Variants in DNAJC16 observed in about 807,000 individuals in gnomAD.
DNAJC16 encodes dnaJ homolog subfamily C member 16.
A neutral mutation model predicts 92.7 loss-of-function variants in DNAJC16; 76 were observed. The ratio of observed to expected loss-of-function variants is 0.82; its 90% CI spans 0.68 to 0.99. The LOEUF is 0.99. Among genes scored for constraint, DNAJC16 ranks in the 50% least tolerant of loss-of-function variants. The pLI is 0.00. For synonymous variants in DNAJC16, 328 were observed against 358.7 expected (o/e 0.91, Z 0.97); for missense variants, 869 against 942.4 (o/e 0.92, Z 1.02).
intron 11 of DNAJC16, 82 bp from the exon 12 acceptor site, chr1:15,565,837 G>A: frequency 7.1e-7 from 1 of 1,415,884 alleles, no homozygotes; most frequent in Non-Finnish European, 9.9e-7. Context: ...AGAGTTTTTG[G>A]TTTGGGATTT....
At chr1:15,538,740 C>G (rs1444390154) in intron 4 of DNAJC16, among the ~76,000 whole-genome samples, 2 of 152,058 alleles carry the variant, frequency 1.3e-5, no homozygotes, top group African/African-American at 2.4e-5. Flanking sequence ...AAGACTAATT[C>G]CTATCTTTTA....
intron 7 of DNAJC16, among the ~76,000 whole-genome samples, chr1:15,552,767 TTTA>T (rs1408758383): frequency 2.4e-4 from 34 of 139,242 alleles, no homozygotes; most frequent in South Asian, 9.1e-4. Flanking sequence ...ATTATTATTA[TTTA>T]TTTTTTTTTT....
intron 4 of DNAJC16, among the ~76,000 whole-genome samples, chr1:15,541,317 T>A (rs1710926682): frequency 6.6e-6 from 1 of 152,228 alleles, no homozygotes; most frequent in Non-Finnish European, 1.5e-5. Context: ...TTCCATTTAT[T>A]GACATTGTTC....
intron 7 of DNAJC16, among the ~76,000 whole-genome samples, chr1:15,557,274 G>C (rs1402719822): frequency 1.3e-5 from 2 of 152,272 alleles, no homozygotes; most frequent in Non-Finnish European, 2.9e-5. Context: ...GGGTTTCTGG[G>C]TTTCGCTTTA....
rs141646030 is a variant in DNAJC16 at position 15,556,240 on chromosome 1, T to C, written c.1024-3286T>C. Among the ~76,000 whole-genome samples the C allele has an allele frequency of 8.4e-4, 128 of 151,962 alleles. 1 individual carries two copies. In the East Asian group the frequency reaches 0.022, roughly 26 times the overall value. ...TGTTGGTTGTTTTGTTTTGTTTTGT[T>C]TTGTTTTGTTTTAAGACGGAGTCTT... On this transcript the variant is annotated intron_variant, in intron 7 of 14. Transcript: ENST00000375847.
chr1:15,559,599 C>G lies in DNAJC16; in HGVS notation c.1097C>G (p.Thr366Ser). 1 of 1,614,182 alleles carries G rather than the reference C, an allele frequency of 6.2e-7. No homozygotes were observed. The highest frequency in any genetic ancestry group is 8.5e-7 in the Non-Finnish European group (1 of 1,180,042). The change falls in exon 8 of 15, where the codon ACC becomes AGC. Residue 366 changes from threonine to serine, a missense_variant. Transcript: ENST00000375847. ...RNKYLLAARL[T>S]SQKLFHELCP... Reference sequence around the variant, plus strand: ...AAATATCTATTGGCAGCCAGGCTCACCAGCCAGAAGTTGTTCCATGAACTC... The same window carrying G: ...AAATATCTATTGGCAGCCAGGCTCAGCAGCCAGAAGTTGTTCCATGAACTC...
Position 15,564,454 on chromosome 1 carries a change from G to A in DNAJC16, c.1598+95G>A, listed in dbSNP as rs1638764973. Reference sequence around the variant, plus strand: ...GAGTTCATCATTATTAAATTTCAAGGTACACTTGATGGGGCAAGTGGAAGA... The same window carrying A: ...GAGTTCATCATTATTAAATTTCAAGATACACTTGATGGGGCAAGTGGAAGA... On this transcript the variant is annotated intron_variant, in intron 11 of 14. Transcript: ENST00000375847. The A allele has an allele frequency of 4.8e-5, 42 of 874,190 alleles. No individual in the cohort carries two copies. In the South Asian group the frequency reaches 5.8e-4, roughly 12 times the overall value. The allele number at this position is 874,190 out of a possible 1,614,324, so 54.2% of individuals were successfully genotyped here.
intron 4 of DNAJC16, among the ~76,000 whole-genome samples, chr1:15,544,151 T>C (rs3220499): frequency 5.1e-5 from 7 of 137,290 alleles, no homozygotes; most frequent in Middle Eastern, 3.7e-3. Context: ...TGTATATGCA[T>C]ACACACACAC....
intron 7 of DNAJC16, among the ~76,000 whole-genome samples, chr1:15,555,545 C>T (rs113726343): frequency 0.012 from 1,748 of 147,254 alleles, 38 homozygotes; most frequent in African/African-American, 0.041. Context: ...TACCTGGGCG[C>T]GGTGGTAGAT....
intron 4 of DNAJC16, among the ~76,000 whole-genome samples, chr1:15,542,950 A>T (rs1026437399): frequency 2.0e-5 from 3 of 152,324 alleles, no homozygotes; most frequent in African/African-American, 7.2e-5. Context: ...AGTGTCAGGG[A>T]AAGCATTGTG....
chr1:15,534,981 T>C (rs547661869), intron 3 of DNAJC16, among the ~76,000 whole-genome samples: 12 of 152,346 alleles, frequency 7.9e-5, no homozygotes, highest in African/African-American at 2.9e-4. Flanking sequence ...AATTTTCCAG[T>C]ATGTCAGCTC....
chr1:15,546,005 G>A (rs553936212), intron 5 of DNAJC16, among the ~76,000 whole-genome samples: 9 of 152,182 alleles, frequency 5.9e-5, no homozygotes, highest in African/African-American at 1.4e-4. Flanking sequence ...TATTTACGCC[G>A]TTTAAAAAGA....
At chr1:15,567,309 A>T (rs765394452) in intron 14 of DNAJC16, 40 bp downstream of exon 14, 1 of 1,575,524 alleles carries the variant, frequency 6.3e-7, no homozygotes, top group Non-Finnish European at 8.7e-7. Context: ...TGTGTGTGAG[A>T]GAGAGAGAGG....
At chr1:15,553,970 G>A (rs943412019) in intron 7 of DNAJC16, among the ~76,000 whole-genome samples, 3 of 152,084 alleles carry the variant, frequency 2.0e-5, no homozygotes, top group African/African-American at 7.2e-5. Flanking sequence ...CTGGGTGGTC[G>A]AGACGGGCAG....
chr1:15,535,580 C>A (rs1035618181), intron 3 of DNAJC16, among the ~76,000 whole-genome samples: 4 of 151,926 alleles, frequency 2.6e-5, no homozygotes, highest in Admixed American at 1.3e-4. Flanking sequence ...GTGAAAAATA[C>A]AAAAATTAGC....
rs763845830 is a variant in DNAJC16, at chr1:15,548,426, C to T, written c.1021C>T (p.Gln341Ter). Residue 341 changes from glutamine to a stop codon, truncating the protein, a stop_gained and splice_region_variant, in exon 7 of 15, where the codon CAG becomes TAG. Transcript: ENST00000375847. LOFTEE classifies it high-confidence loss of function. ...TATAAACAGGCCTGCCGATGTTATC[C>T]AGGTACGTGAGGGTCACCTTGGTTA... ...EHINRPADVIQARGMKKQIID... is the reference protein window; with the variant it reads ...EHINRPADVI The T allele has an allele frequency of 3.7e-6, 6 of 1,609,082 alleles. No individual in the cohort carries two copies. Among genetic ancestry groups the T allele is most frequent in the Non-Finnish European group, 5.1e-6 (6 of 1,177,312 alleles).
intron 14 of DNAJC16, among the ~76,000 whole-genome samples, 156 bp downstream of exon 14, chr1:15,567,425 G>C (rs1052352862): frequency 6.6e-6 from 1 of 152,176 alleles, no homozygotes; most frequent in Non-Finnish European, 1.5e-5. Flanking sequence ...GAGCCATTGC[G>C]ACAGGGACCT....
At chr1:15,544,702 A>G (rs1638247919) in intron 5 of DNAJC16, 119 bp downstream of exon 5, 4 of 920,692 alleles carry the variant, frequency 4.3e-6, no homozygotes, top group Non-Finnish European at 4.9e-6. Flanking sequence ...TGAGGAAGGC[A>G]TGACACTTAT....
At position 15,569,631 on chromosome 1, in the gene DNAJC16, C is replaced by CTTTTTTT. The variant is rs377498367; in HGVS notation, c.*1467_*1473dup. The CTTTTTTT allele has an allele frequency of 7.9e-6, 1 of 126,774 alleles. No individual in the cohort carries two copies. The highest frequency in any genetic ancestry group is 3.0e-5 in the African/African-American group (1 of 33,862). The allele number at this position is 126,774 out of a possible 1,614,324, so 7.9% of individuals were successfully genotyped here. A position where few individuals can be genotyped will look rare whatever the true frequency, so the allele number is the denominator to read the frequency against. On this transcript the variant is annotated 3_prime_UTR_variant, in exon 15 of 15. Transcript: ENST00000375847. Reference sequence around the variant, plus strand: ...GTGATGGGACATTTACTAAGTATTTCTTTTTTTTTTTTTTTTTTTAGTTGT... The same window carrying CTTTTTTT: ...GTGATGGGACATTTACTAAGTATTTCTTTTTTTTTTTTTTTTTTTTTTTTTTAGTTGT...
Sources: gnomAD v4.1 joint callset for allele counts (sites outside exome capture counted in the v4.1 genomes callset) on GRCh38, gnomAD v4.1.1 for gene constraint, MANE v1.5 for transcripts, NCBI Gene and HGNC (gene_info 2026-07-23, HGNC 2026-07-21) for gene names.